Variants in MALRD1 observed in about 807,000 individuals in gnomAD.
The protein encoded by MALRD1 is MAM and LDL-receptor class A domain-containing protein 1.
A neutral mutation model predicts 242.1 loss-of-function variants in MALRD1; 247 were observed. The ratio of observed to expected loss-of-function variants is 1.02; its 90% CI spans 0.92 to 1.13. The LOEUF (loss-of-function observed/expected upper bound fraction) is 1.13, where lower values mean the gene tolerates loss of function less well. Ranked by LOEUF, MALRD1 falls within the 50% of genes most tolerant of loss-of-function variation. MALRD1 has a pLI of 0.00. For synonymous variants in MALRD1, 995 were observed against 866.6 expected (o/e 1.15, Z -2.60); for missense variants, 2,989 against 2,533.1 (o/e 1.18, Z -3.86).
At chr10:19,296,341 A>G (rs935953876) in intron 21 of MALRD1, among the ~76,000 whole-genome samples, 9 of 151,696 alleles carry the variant, frequency 5.9e-5, no homozygotes, top group Non-Finnish European at 1.0e-4. Context: ...TATTAATATT[A>G]TTTTTTTGGC....
At chr10:19,151,528 G>A (rs1019996027) in intron 11 of MALRD1, among the ~76,000 whole-genome samples, 1 of 151,784 alleles carries the variant, frequency 6.6e-6, no homozygotes, top group East Asian at 1.9e-4. Flanking sequence ...TCTTCCTTTT[G>A]TTGTTTTATG....
intron 21 of MALRD1, among the ~76,000 whole-genome samples, chr10:19,305,187 C>A (rs540844915): frequency 6.6e-6 from 1 of 151,728 alleles, no homozygotes; most frequent in Non-Finnish European, 1.5e-5. Context: ...TCTATTTTAA[C>A]ATATCACGCA....
intron 28 of MALRD1, among the ~76,000 whole-genome samples, chr10:19,403,387 T>C (rs551287491): frequency 9.6e-4 from 146 of 152,320 alleles, no homozygotes; most frequent in African/African-American, 3.4e-3. Context: ...TTGAGGACTT[T>C]GTTATAGGTT....
chr10:19,476,794 T>C (rs993605519), intron 29 of MALRD1, among the ~76,000 whole-genome samples: 4 of 152,216 alleles, frequency 2.6e-5, no homozygotes, highest in African/African-American at 7.2e-5. Context: ...TTTATTCATA[T>C]GACATGTTCT....
chr10:19,072,628 T>C lies in MALRD1; in HGVS notation c.340+5769T>C, dbSNP rs1486258048. ...ATTGGACATAAATGAATAAAGAATA[T>C]AATTCTTCCTCTAAGAACACAGATA... On this transcript the variant is annotated intron_variant, in intron 2 of 39. Transcript: ENST00000454679. 3.3e-5 allele frequency among the ~76,000 whole-genome samples: 5 copies of C among 152,200 alleles called. No homozygotes were observed. In the East Asian group the frequency reaches 9.7e-4, roughly 29 times the overall value.
chr10:19,194,640 G>C (rs79203045), intron 14 of MALRD1, among the ~76,000 whole-genome samples: 2 of 152,016 alleles, frequency 1.3e-5, no homozygotes, highest in East Asian at 1.9e-4. Flanking sequence ...CTTGTCTGCT[G>C]TGTCTTCCCC....
chr10:19,187,297 G>GA (rs953627087), intron 14 of MALRD1, among the ~76,000 whole-genome samples: 32 of 150,758 alleles, frequency 2.1e-4, no homozygotes, highest in South Asian at 1.7e-3. Flanking sequence ...GTGTGCTGTA[G>GA]AAAAAAAAAT....
At chr10:19,131,811 A>G (rs1419766031) in intron 8 of MALRD1, among the ~76,000 whole-genome samples, 1 of 152,194 alleles carries the variant, frequency 6.6e-6, no homozygotes, top group Non-Finnish European at 1.5e-5. Flanking sequence ...ATATTTTTTA[A>G]AAAATTATTT....
At chr10:19,141,610 A>AATAT (rs145126648) in intron 10 of MALRD1, among the ~76,000 whole-genome samples, 5 of 150,778 alleles carry the variant, frequency 3.3e-5, no homozygotes, top group Non-Finnish European at 7.4e-5. Context: ...ATATAGGAAA[A>AATAT]ATATATATAT....
chr10:19,401,770 C>T (rs1307484949), intron 28 of MALRD1, among the ~76,000 whole-genome samples: 1 of 151,658 alleles, frequency 6.6e-6, no homozygotes, highest in Non-Finnish European at 1.5e-5. Flanking sequence ...AGCCAACAGG[C>T]ACACACTGGC....
At chr10:19,263,853 G>C (rs983833162) in intron 19 of MALRD1, among the ~76,000 whole-genome samples, 1 of 152,088 alleles carries the variant, frequency 6.6e-6, no homozygotes, top group Non-Finnish European at 1.5e-5. Context: ...AATATAATTT[G>C]AAATTGGGAA....
intron 21 of MALRD1, among the ~76,000 whole-genome samples, chr10:19,295,350 TTC>T (rs1396318173): frequency 1.3e-5 from 2 of 152,108 alleles, no homozygotes; most frequent in African/African-American, 4.8e-5. Flanking sequence ...TAAGTATTTT[TTC>T]ATATTTTCTA....
At chr10:19,302,987 A>G (rs1378334774) in intron 21 of MALRD1, among the ~76,000 whole-genome samples, 1 of 151,754 alleles carries the variant, frequency 6.6e-6, no homozygotes, top group Non-Finnish European at 1.5e-5. Flanking sequence ...CAAAAAGTTG[A>G]AACAAAGAGT....
rs142168436 is a variant in MALRD1, at chr10:19,358,856, G to A, written c.4441+6559G>A. ...ATACTTGCTGTTCTTTCTTCCTCATGTTCTATTCACTGCTGAAAGCAAGGG... is the reference window on the plus strand; with the variant it reads ...ATACTTGCTGTTCTTTCTTCCTCATATTCTATTCACTGCTGAAAGCAAGGG... On this transcript the variant is annotated intron_variant, in intron 26 of 39. Transcript: ENST00000454679. Among the ~76,000 whole-genome samples, 359 of 152,106 alleles carry A rather than the reference G, an allele frequency of 2.4e-3. 2 individuals are homozygous for A. The highest frequency in any genetic ancestry group is 6.8e-3 in the Middle Eastern group (2 of 292).
At chr10:19,166,772 C>G (rs894184921) in intron 13 of MALRD1, among the ~76,000 whole-genome samples, 1 of 152,120 alleles carries the variant, frequency 6.6e-6, no homozygotes, top group Admixed American at 6.5e-5. Flanking sequence ...GTTCTAATTT[C>G]TACCTTCCTG....
At chr10:19,169,284 G>T (rs1834822018) in intron 13 of MALRD1, among the ~76,000 whole-genome samples, 1 of 152,012 alleles carries the variant, frequency 6.6e-6, no homozygotes, top group Non-Finnish European at 1.5e-5. Context: ...TTTAGATAAG[G>T]AACTGTGGAC....
At chr10:19,422,044 A>T (rs1833736282) in intron 28 of MALRD1, among the ~76,000 whole-genome samples, 1 of 152,262 alleles carries the variant, frequency 6.6e-6, no homozygotes, top group African/African-American at 2.4e-5. Context: ...TGGAAGACTG[A>T]TAAAGATGCT....
intron 14 of MALRD1, among the ~76,000 whole-genome samples, chr10:19,179,392 G>A (rs1428191772): frequency 1.3e-5 from 2 of 151,800 alleles, no homozygotes; most frequent in African/African-American, 2.4e-5. Context: ...GCTCAAGCCT[G>A]TAATCCCAGC....
intron 14 of MALRD1, among the ~76,000 whole-genome samples, chr10:19,177,880 A>G (rs1331086656): frequency 6.6e-6 from 1 of 152,142 alleles, no homozygotes; most frequent in Non-Finnish European, 1.5e-5. Flanking sequence ...GGACCCCTCT[A>G]GAATGAGGAT....
Sources: allele counts gnomAD v4.1 joint callset (sites outside exome capture counted in the v4.1 genomes callset), GRCh38; gene constraint gnomAD v4.1.1; transcripts MANE v1.5; gene names NCBI Gene and HGNC (gene_info 2026-07-23, HGNC 2026-07-21).